TCERG1L: variants seen among roughly 807,000 people sequenced by gnomAD.
The protein encoded by TCERG1L is transcription elongation regulator 1-like protein.
Under a neutral mutation model 56.3 loss-of-function variants are expected in TCERG1L, and 37 were observed. The ratio of observed to expected loss-of-function variants is 0.66; its 90% CI spans 0.51 to 0.87. TCERG1L has a LOEUF of 0.87. Among genes scored for constraint, TCERG1L ranks in the 40% least tolerant of loss-of-function variants. The pLI, the probability that TCERG1L is intolerant of heterozygous loss-of-function variation, is 0.00. For missense variants in TCERG1L, 799 were observed against 774.2 expected (o/e 1.03, Z -0.38); for synonymous variants, 324 against 326.3 (o/e 0.99, Z 0.08).
chr10:131,159,091 C>T (rs554664841), intron 6 of TCERG1L, among the ~76,000 whole-genome samples: 96 of 152,326 alleles, frequency 6.3e-4, no homozygotes, highest in African/African-American at 1.9e-3. Context: ...TGACCTTCTG[C>T]GGGGCAGGTG....
chr10:131,173,732 G>T (rs147716321), intron 4 of TCERG1L, among the ~76,000 whole-genome samples: 59 of 152,380 alleles, frequency 3.9e-4, no homozygotes, highest in African/African-American at 1.3e-3. Context: ...TGCAGGGAAG[G>T]TTGGTGGCAG....
At chr10:131,241,039 G>A (rs1003775082) in intron 4 of TCERG1L, among the ~76,000 whole-genome samples, 2 of 152,188 alleles carry the variant, frequency 1.3e-5, no homozygotes, top group Non-Finnish European at 2.9e-5. Context: ...AGAAGACATC[G>A]CAGCAAGAGC....
intron 7 of TCERG1L, among the ~76,000 whole-genome samples, chr10:131,137,222 C>T (rs1372717785): frequency 1.3e-5 from 2 of 152,170 alleles, no homozygotes; most frequent in Non-Finnish European, 2.9e-5. Context: ...TCCACCCCAA[C>T]ACCCTCTAAG....
In TCERG1L at chr10:131,107,152, A is replaced by C. The variant is rs1845360146; in HGVS notation, c.1396-2798T>G. Reference sequence around the variant, plus strand: ...GACTAGTGCACCTGCCCCCGGGAGCATCTGGGGCCGTTAGAGAAGCTATGG... The same window carrying C: ...GACTAGTGCACCTGCCCCCGGGAGCCTCTGGGGCCGTTAGAGAAGCTATGG... On this transcript the variant is annotated intron_variant, in intron 9 of 11. Transcript: ENST00000368642. Among the ~76,000 whole-genome samples the C allele has an allele frequency of 2.0e-5, 3 of 152,220 alleles. No individual in the cohort carries two copies. The South Asian group carries it at 6.2e-4, about 32-fold the overall frequency.
intron 4 of TCERG1L, among the ~76,000 whole-genome samples, chr10:131,257,073 A>AG (rs1440199430): frequency 2.6e-5 from 4 of 152,070 alleles, no homozygotes; most frequent in Non-Finnish European, 5.9e-5. Context: ...AAAGAAAAAA[A>AG]AAAAGTTCTG....
intron 6 of TCERG1L, among the ~76,000 whole-genome samples, chr10:131,147,297 T>C (rs1845806704): frequency 6.6e-6 from 1 of 152,006 alleles, no homozygotes; most frequent in Non-Finnish European, 1.5e-5. Flanking sequence ...TGTGAAAAGT[T>C]ATCAGAAAAG....
At chr10:131,287,568 T>C (rs111916773) in intron 3 of TCERG1L, among the ~76,000 whole-genome samples, 5 of 152,296 alleles carry the variant, frequency 3.3e-5, no homozygotes, top group African/African-American at 1.2e-4. Context: ...AAATGGCACC[T>C]TGAAGTACAG....
In TCERG1L at chr10:131,211,544, T is replaced by A. The variant is rs1366026887; in HGVS notation, c.857-44659A>T. Among the ~76,000 whole-genome samples, 4 of 152,334 alleles carry A rather than the reference T, an allele frequency of 2.6e-5. No individual in the cohort carries two copies. In the East Asian group the frequency reaches 7.7e-4, roughly 29 times the overall value. On this transcript the variant is annotated intron_variant, in intron 4 of 11. Coordinates refer to ENST00000368642, the MANE Select transcript of TCERG1L (RefSeq NM_174937.4). ...TGCAGTGACTTCTCCATCCACATCC[T>A]GGGACAAGTGAAAGCAAAGCCCCAG...
chr10:131,127,415 G>A (rs766888260), intron 8 of TCERG1L, among the ~76,000 whole-genome samples: 1 of 152,200 alleles, frequency 6.6e-6, no homozygotes, highest in Admixed American at 6.5e-5. Flanking sequence ...GGGCCTCTGC[G>A]GCTAAGAGGC....
At position 131,118,671 on chromosome 10, in the gene TCERG1L, T is replaced by A. The variant is rs527449463; in HGVS notation, c.1260-1737A>T. Among the ~76,000 whole-genome samples, 4 of 152,298 alleles carry A rather than the reference T, an allele frequency of 2.6e-5. No individual in the cohort carries two copies. In the South Asian group the frequency reaches 6.2e-4, roughly 24 times the overall value. The stretch of plus-strand genomic sequence containing the variant: ...GAGGTCTGCTCTTGGTAATTTTCCA[T>A]CCACTGACCCCCAACCCTGACCGTG... On this transcript the variant is annotated intron_variant, in intron 8 of 11. Coordinates refer to ENST00000368642, the MANE Select transcript of TCERG1L (RefSeq NM_174937.4). This position sits in a 1 kb window ranked among gnomAD's most constrained non-coding sequence, Gnocchi z 4.2.
chr10:131,270,248 G>A (rs963346030), intron 3 of TCERG1L, among the ~76,000 whole-genome samples: 4 of 152,224 alleles, frequency 2.6e-5, no homozygotes, highest in African/African-American at 9.6e-5. Flanking sequence ...AAGCCAGGAA[G>A]GGCGCAAAGC....
chr10:131,124,592 C>T (rs891920432), intron 8 of TCERG1L, among the ~76,000 whole-genome samples: 14 of 152,180 alleles, frequency 9.2e-5, no homozygotes, highest in African/African-American at 2.4e-4. Flanking sequence ...CTACGCCATG[C>T]AGGAGCGGAG....
chr10:131,237,987 C>T (rs1444419550), intron 4 of TCERG1L, among the ~76,000 whole-genome samples: 1 of 152,208 alleles, frequency 6.6e-6, no homozygotes, highest in Non-Finnish European at 1.5e-5. Flanking sequence ...TGGAGCATCC[C>T]TAACTGAAGT....
intron 3 of TCERG1L, among the ~76,000 whole-genome samples, chr10:131,285,399 A>AAAGGAAGG (rs201339365): frequency 0.042 from 5,554 of 131,638 alleles, 175 homozygotes; most frequent in African/African-American, 0.057. Flanking sequence ...GAAAGAAAAG[A>AAAGGAAGG]AAGGAAGGAA....
chr10:131,300,093 A>C (rs983906007), intron 3 of TCERG1L, among the ~76,000 whole-genome samples: 6 of 152,130 alleles, frequency 3.9e-5, no homozygotes, highest in Non-Finnish European at 1.5e-5. Context: ...AATTCTTCTC[A>C]GCTTTTGTTT....
At chr10:131,254,484 C>A (rs973613287) in intron 4 of TCERG1L, among the ~76,000 whole-genome samples, 2 of 152,092 alleles carry the variant, frequency 1.3e-5, no homozygotes, top group African/African-American at 4.8e-5. Context: ...CGCCTGGCTC[C>A]TTGGGGGCTG....
Position 131,311,106 on chromosome 10 carries a change from G to T in TCERG1L, c.342+188C>A, listed in dbSNP as rs1846887106. On this transcript the variant is annotated intron_variant, in intron 1 of 11. Transcript: ENST00000368642. This position sits in a 1 kb window ranked among gnomAD's most constrained non-coding sequence, Gnocchi z 4.0. ...ACCTGCCAAAGCTGCGGAGGTGGACGACCGGGCGTCCAAGCACGAACTTTC... is the reference window on the plus strand; with the variant it reads ...ACCTGCCAAAGCTGCGGAGGTGGACTACCGGGCGTCCAAGCACGAACTTTC... 6.6e-6 allele frequency among the ~76,000 whole-genome samples: 1 copy of T among 152,158 alleles called. No individual in the cohort carries two copies. Among genetic ancestry groups the T allele is most frequent in the African/African-American group, 2.4e-5 (1 of 41,448 alleles).
At chr10:131,202,948 T>A (rs1047581020) in intron 4 of TCERG1L, among the ~76,000 whole-genome samples, 4 of 152,188 alleles carry the variant, frequency 2.6e-5, no homozygotes, top group Non-Finnish European at 4.4e-5. Flanking sequence ...GCTTCATGAT[T>A]CATATTAACC....
intron 6 of TCERG1L, among the ~76,000 whole-genome samples, chr10:131,150,281 G>C (rs1334716025): frequency 1.4e-4 from 2 of 13,976 alleles, no homozygotes; most frequent in African/African-American, 2.1e-4. Flanking sequence ...GGGGGGACCT[G>C]TGTGCTCCTC....
Sources: gnomAD v4.1 joint callset for allele counts (sites outside exome capture counted in the v4.1 genomes callset) on GRCh38, gnomAD v4.1.1 for gene constraint, Gnocchi (gnomAD v3.1) non-coding constraint, MANE v1.5 for transcripts, NCBI Gene and HGNC (gene_info 2026-07-23, HGNC 2026-07-21) for gene names.